Variants in CTNNA3 observed in about 807,000 individuals in gnomAD.
CTNNA3 encodes the protein catenin alpha 3.
A neutral mutation model predicts 95.7 loss-of-function variants in CTNNA3; 76 were observed. The observed-to-expected ratio is 0.79, with a 90% CI of 0.66 to 0.96. The LOEUF (loss-of-function observed/expected upper bound fraction) is 0.96, where lower values mean the gene tolerates loss of function less well. Ranked by LOEUF, CTNNA3 falls within the 40% of genes least tolerant of loss-of-function variation. The probability of loss-of-function intolerance (pLI) is 0.00; values close to 1 mark genes in which losing one functional copy is unlikely to be tolerated. For missense variants in CTNNA3, 1,191 were observed against 1,089.8 expected, an observed-to-expected ratio of 1.09 and a Z score of -1.31; for synonymous variants, 431 against 374.4, an observed-to-expected ratio of 1.15 and a Z score of -1.74.
At chr10:67,697,749 GT>G (rs35289132), upstream of CTNNA3, among the ~76,000 whole-genome samples, 35,434 of 151,430 alleles carry the variant, frequency 0.23, 4,940 homozygotes, top group East Asian at 0.52. Flanking sequence ...TTTATAGTGG[GT>G]TTTTTTTTAA....
intron 7 of CTNNA3, among the ~76,000 whole-genome samples, chr10:67,173,462 C>T (rs541093801): frequency 6.6e-6 from 1 of 152,288 alleles, no homozygotes; most frequent in African/African-American, 2.4e-5. Flanking sequence ...TGTAAGTTGG[C>T]TTCTCTGCCA....
chr10:67,271,522 G>C (rs1463454592), intron 5 of CTNNA3, among the ~76,000 whole-genome samples: 1 of 152,058 alleles, frequency 6.6e-6, no homozygotes, highest in Non-Finnish European at 1.5e-5. Flanking sequence ...AAATTACCCA[G>C]TCCCAGGTAT....
chr10:65,953,526 C>A (rs1331772122), intron 17 of CTNNA3, among the ~76,000 whole-genome samples: 1 of 151,758 alleles, frequency 6.6e-6, no homozygotes, highest in Non-Finnish European at 1.5e-5. Flanking sequence ...CTAATGCTAT[C>A]CCTCCCCCCT....
At chr10:66,449,210 T>C (rs2093445637) in intron 11 of CTNNA3, among the ~76,000 whole-genome samples, 1 of 152,038 alleles carries the variant, frequency 6.6e-6, no homozygotes, top group Non-Finnish European at 1.5e-5. Context: ...GTAAAGGTGC[T>C]GGGGGGACAT....
Position 65,966,684 on chromosome 10 carries a change from G to A in CTNNA3, c.2328C>T (p.Ser776=). The change falls in exon 17 of 18, where the codon TCC becomes TCT. Residue 776 remains serine (S), a synonymous_variant. Coordinates refer to ENST00000433211, the MANE Select transcript of CTNNA3 (RefSeq NM_013266.4). ...CTTGACTGCAGATTTTCAGTTGGTGGGAGTAGAACTTAATCTGTTCCAGGT... is the reference window on the plus strand; with the variant it reads ...CTTGACTGCAGATTTTCAGTTGGTGAGAGTAGAACTTAATCTGTTCCAGGT... ...LAYLEQIKFY[S]HQLKICSQVK... is the part of the protein sequence containing the mutation. 6.2e-7 allele frequency: 1 copy of A among 1,613,656 alleles called. No homozygotes were observed. The highest frequency in any genetic ancestry group is 8.5e-7 in the Non-Finnish European group (1 of 1,179,688).
rs2079164176 is a variant in CTNNA3, at chr10:66,019,763, A to C, written c.2160-30966T>G. Among the ~76,000 whole-genome samples the C allele has an allele frequency of 2.0e-5, 3 of 152,174 alleles. No homozygotes were observed. In the South Asian group the frequency reaches 6.2e-4, roughly 32 times the overall value. On this transcript the variant is annotated intron_variant, in intron 15 of 17. Transcript: ENST00000433211. ...TTAAAAAATTGCTTAGTGTAGTTTG[A>C]TGTTCCTGCAGCTTCAAAGTCTATA...
intron 2 of CTNNA3, among the ~76,000 whole-genome samples, chr10:67,615,217 ACTG>A (rs2133396589): frequency 6.6e-6 from 1 of 152,390 alleles, no homozygotes; most frequent in East Asian, 1.9e-4. Flanking sequence ...ATAAACAACC[ACTG>A]CTAACATAAG....
intron 15 of CTNNA3, among the ~76,000 whole-genome samples, chr10:66,024,716 C>G (rs920809124): frequency 5.9e-5 from 9 of 152,088 alleles, no homozygotes; most frequent in Non-Finnish European, 1.2e-4. Context: ...GAGTGGCAGA[C>G]CTGGGGAACT....
intron 1 of CTNNA3, among the ~76,000 whole-genome samples, chr10:67,746,540 C>T (rs983789321): frequency 1.3e-5 from 2 of 152,088 alleles, no homozygotes; most frequent in Admixed American, 6.5e-5. Context: ...GTTTGACCCA[C>T]GGAGAGCAAA....
intron 9 of CTNNA3, among the ~76,000 whole-genome samples, chr10:66,681,541 G>A (rs771622810): frequency 9.2e-5 from 14 of 151,988 alleles, no homozygotes; most frequent in Non-Finnish European, 2.1e-4. Flanking sequence ...AAACAATATC[G>A]GAGTCCTGGC....
At chr10:67,453,179 A>C (rs1388550948) in intron 5 of CTNNA3, among the ~76,000 whole-genome samples, 2 of 152,182 alleles carry the variant, frequency 1.3e-5, no homozygotes, top group Non-Finnish European at 2.9e-5. Flanking sequence ...AAGTGGAGAG[A>C]AAATAGTGAT....
At chr10:66,225,358 C>G (rs962626181) in intron 13 of CTNNA3, among the ~76,000 whole-genome samples, 2 of 141,602 alleles carry the variant, frequency 1.4e-5, no homozygotes, top group African/African-American at 5.3e-5. Flanking sequence ...CCCATGTTTC[C>G]AAGAATGACA....
chr10:66,477,387 T>A lies in CTNNA3; in HGVS notation c.1531+43230A>T, dbSNP rs182259262. Among the ~76,000 whole-genome samples, 160 of 152,168 alleles carry A rather than the reference T, an allele frequency of 1.1e-3. 2 individuals carry two copies. In the Middle Eastern group the frequency reaches 0.014, roughly 13 times the overall value. ...TCATGCAAAAATTGGACAGAAGGGG[T>A]TGTTTTTGACAGAATCTGGCTTAGA... On this transcript the variant is annotated intron_variant, in intron 11 of 17. Transcript: ENST00000433211.
chr10:66,706,110 C>T (rs947541810), intron 9 of CTNNA3, among the ~76,000 whole-genome samples: 1 of 151,954 alleles, frequency 6.6e-6, no homozygotes, highest in African/African-American at 2.4e-5. Flanking sequence ...GTATTTCATA[C>T]ATCATCAGTG....
intron 5 of CTNNA3, among the ~76,000 whole-genome samples, chr10:67,479,730 C>T (rs1216261740): frequency 2.0e-5 from 3 of 151,768 alleles, no homozygotes; most frequent in Non-Finnish European, 4.4e-5. Flanking sequence ...AAAGAAATAA[C>T]CAAAATCAAA....
chr10:66,382,978 A>C (rs2092854329), intron 11 of CTNNA3, among the ~76,000 whole-genome samples: 1 of 152,234 alleles, frequency 6.6e-6, no homozygotes, highest in African/African-American at 2.4e-5. Context: ...AAAACCACAA[A>C]GATGGGAAGA....
chr10:67,257,310 G>A (rs1247267500), intron 5 of CTNNA3, among the ~76,000 whole-genome samples: 3 of 152,188 alleles, frequency 2.0e-5, no homozygotes, highest in Non-Finnish European at 4.4e-5. Flanking sequence ...GTAATCTGGA[G>A]AATAAAGTAT....
intron 10 of CTNNA3, among the ~76,000 whole-genome samples, chr10:66,576,667 C>T (rs945357310): frequency 1.3e-5 from 2 of 151,986 alleles, no homozygotes; most frequent in Non-Finnish European, 2.9e-5. Context: ...TGATTTCATT[C>T]TTTTTTATGG....
Position 66,950,909 on chromosome 10 carries a change from G to A in CTNNA3, c.1048-175385C>T, listed in dbSNP as rs117468999. On this transcript the variant is annotated intron_variant, in intron 7 of 17. Transcript: ENST00000433211. ...AATTGAGGTGTAATCACATGAGACA[G>A]AATTTGAATTCTGATCTGTCGGATT... is the stretch of plus-strand genomic sequence containing the variant. Among the ~76,000 whole-genome samples, 245 of 152,250 alleles carry A rather than the reference G, an allele frequency of 1.6e-3. 1 individual carries two copies. The highest frequency in any genetic ancestry group is 0.01 in the Middle Eastern group (3 of 294).
Sources: allele counts gnomAD v4.1 joint callset (sites outside exome capture counted in the v4.1 genomes callset), GRCh38; gene constraint gnomAD v4.1.1; transcripts MANE v1.5; gene names NCBI Gene and HGNC (gene_info 2026-07-23, HGNC 2026-07-21).